SLC24A2: variants seen among roughly 807,000 people sequenced by gnomAD.
SLC24A2 encodes the protein solute carrier family 24 member 2.
Under a neutral mutation model 62.0 loss-of-function variants are expected in SLC24A2, and 36 were observed. The ratio of observed to expected loss-of-function variants is 0.58; its 90% CI spans 0.44 to 0.77. The LOEUF (loss-of-function observed/expected upper bound fraction) is 0.77. Among genes scored for constraint, SLC24A2 ranks in the 30% least tolerant of loss-of-function variants. SLC24A2 has a pLI of 0.00. For missense variants in SLC24A2, 846 were observed against 817.9 expected, an observed-to-expected ratio of 1.03 and a Z score of -0.42; for synonymous variants, 358 against 294.0, an observed-to-expected ratio of 1.22 and a Z score of -2.23.
the SLC24A2 span, among the ~76,000 whole-genome samples, chr9:20,155,160 A>C: frequency 1.3e-5 from 2 of 151,682 alleles, no homozygotes; most frequent in African/African-American, 2.4e-5. Context: ...AAAAAAAAAA[A>C]AACTAGGGTG....
At chr9:19,548,814 G>A (rs892674708) in intron 8 of SLC24A2, among the ~76,000 whole-genome samples, 1 of 152,230 alleles carries the variant, frequency 6.6e-6, no homozygotes, top group East Asian at 1.9e-4. Flanking sequence ...CCCGCCAAGG[G>A]CCAGCCCTGG....
the SLC24A2 span, among the ~76,000 whole-genome samples, chr9:19,946,410 G>A: frequency 1.3e-5 from 2 of 152,194 alleles, no homozygotes; most frequent in Admixed American, 6.5e-5. Context: ...TGTCCCATCT[G>A]AGGAGCTCAA....
At chr9:19,551,867 C>T (rs1044315337) in intron 7 of SLC24A2, among the ~76,000 whole-genome samples, 9 of 152,100 alleles carry the variant, frequency 5.9e-5, no homozygotes, top group Non-Finnish European at 1.2e-4. Context: ...TCAACTCTCC[C>T]TAGGAGTTAC....
chr9:20,176,138 T>G, the SLC24A2 span, among the ~76,000 whole-genome samples: 1 of 152,038 alleles, frequency 6.6e-6, no homozygotes, highest in African/African-American at 2.4e-5. Context: ...AAGCTAGGTT[T>G]TTCAGGTTTT....
intron 2 of SLC24A2, among the ~76,000 whole-genome samples, chr9:19,637,152 C>A (rs1818379835): frequency 6.6e-6 from 1 of 152,210 alleles, no homozygotes; most frequent in African/African-American, 2.4e-5. Flanking sequence ...CCTGGTGCCA[C>A]TGAAATGGGT....
At chr9:19,836,502 C>T in the SLC24A2 span, among the ~76,000 whole-genome samples, 2 of 152,196 alleles carry the variant, frequency 1.3e-5, no homozygotes, top group Non-Finnish European at 2.9e-5. Flanking sequence ...TTCCTCAACA[C>T]ATACACCCTC....
At chr9:19,789,893 C>T (rs1304115036), upstream of SLC24A2, among the ~76,000 whole-genome samples, 5 of 152,146 alleles carry the variant, frequency 3.3e-5, no homozygotes, top group Admixed American at 3.3e-4. Flanking sequence ...TCTGTTCTCT[C>T]CCCCATCCAA....
rs145293485 is a variant in SLC24A2 at position 19,549,511 on chromosome 9, C to T, written c.1479+626G>A. On this transcript the variant is annotated intron_variant, in intron 8 of 10. Transcript: ENST00000341998. Reference sequence around the variant, plus strand: ...GCCTTCTGTCACTGCAACATTCACTCTTGGAGTCCTGACTGACCTCTTATG... The same window carrying T: ...GCCTTCTGTCACTGCAACATTCACTTTTGGAGTCCTGACTGACCTCTTATG... Among the ~76,000 whole-genome samples, 425 of 152,310 alleles carry T rather than the reference C, an allele frequency of 2.8e-3. 4 individuals carry two copies. The highest frequency in any genetic ancestry group is 9.2e-3 in the African/African-American group (383 of 41,566).
At chr9:19,702,673 TTCAG>T (rs1234008336) in intron 2 of SLC24A2, among the ~76,000 whole-genome samples, 1 of 152,164 alleles carries the variant, frequency 6.6e-6, no homozygotes, top group Non-Finnish European at 1.5e-5. Context: ...TTGCCCAAAC[TTCAG>T]TCATTTTTAT....
chr9:20,124,378 AAAG>A, the SLC24A2 span, among the ~76,000 whole-genome samples: 7 of 152,228 alleles, frequency 4.6e-5, no homozygotes, highest in East Asian at 1.9e-4. Context: ...ATTTAAAAAA[AAAG>A]AAGAAGAAGA....
intron 2 of SLC24A2, among the ~76,000 whole-genome samples, chr9:19,752,263 T>C (rs952610291): frequency 6.6e-6 from 1 of 151,918 alleles, no homozygotes; most frequent in Non-Finnish European, 1.5e-5. Context: ...ATACAGTAAC[T>C]CACCCTAGGA....
rs939557227 is a variant in SLC24A2 at position 19,762,355 on chromosome 9, T to C, written c.930+23582A>G. ...ATTTTAGCTTTTGTTGCCATTACTT[T>C]TGGTGTTTTAGTCATGAAGTCTTTG... On this transcript the variant is annotated intron_variant, in intron 2 of 10. Coordinates refer to ENST00000341998, the MANE Select transcript of SLC24A2 (RefSeq NM_020344.4). Among the ~76,000 whole-genome samples, 71 of 152,364 alleles carry C rather than the reference T, an allele frequency of 4.7e-4. No homozygotes were observed. In the Middle Eastern group the frequency reaches 0.014, roughly 29 times the overall value.
At chr9:19,641,696 G>A in intron 2 of SLC24A2, among the ~76,000 whole-genome samples, 1 of 151,888 alleles carries the variant, frequency 6.6e-6, no homozygotes, top group East Asian at 1.9e-4. Flanking sequence ...TGTAGTTTTA[G>A]CAAAGACAGG....
At chr9:19,617,523 A>C (rs1382702187) in intron 4 of SLC24A2, among the ~76,000 whole-genome samples, 2 of 152,236 alleles carry the variant, frequency 1.3e-5, no homozygotes, top group South Asian at 4.1e-4. Context: ...CATTTTCAAA[A>C]ATAGAAGCTA....
chr9:20,212,988 G>A, the SLC24A2 span, among the ~76,000 whole-genome samples: 1 of 151,822 alleles, frequency 6.6e-6, no homozygotes, highest in South Asian at 2.1e-4. Flanking sequence ...CATAGACACA[G>A]GGACGGGAAC....
chr9:19,770,339 C>T (rs1037497902), intron 2 of SLC24A2, among the ~76,000 whole-genome samples: 4 of 151,948 alleles, frequency 2.6e-5, no homozygotes, highest in East Asian at 1.9e-4. Context: ...TAAAATCATA[C>T]CCAAATATAG....
intron 2 of SLC24A2, among the ~76,000 whole-genome samples, chr9:19,759,667 C>A (rs1307763644): frequency 6.6e-6 from 1 of 152,144 alleles, no homozygotes; most frequent in East Asian, 1.9e-4. Context: ...GTCATTTACT[C>A]AATAATTATT....
At chr9:19,749,048 T>G (rs1821913101) in intron 2 of SLC24A2, among the ~76,000 whole-genome samples, 1 of 150,130 alleles carries the variant, frequency 6.7e-6, no homozygotes, top group African/African-American at 2.5e-5. Flanking sequence ...GATGCCATCA[T>G]AAGCCCCTGA....
At chr9:19,644,621 T>C (rs1818591144) in intron 2 of SLC24A2, among the ~76,000 whole-genome samples, 1 of 152,222 alleles carries the variant, frequency 6.6e-6, no homozygotes. Flanking sequence ...AATTCTAGCC[T>C]GTTTAAATTT....
Sources: gnomAD v4.1 joint callset for allele counts (sites outside exome capture counted in the v4.1 genomes callset) on GRCh38, gnomAD v4.1.1 for gene constraint, MANE v1.5 for transcripts, NCBI Gene and HGNC (gene_info 2026-07-23, HGNC 2026-07-21) for gene names.